Variants in GBF1 observed in about 807,000 individuals in gnomAD.
The protein encoded by GBF1 is golgi brefeldin A resistant guanine nucleotide exchange factor 1, also known as Golgi-specific brefeldin A-resistance guanine nucleotide exchange factor 1.
A neutral mutation model predicts 210.5 loss-of-function variants in GBF1; 114 were observed. That is an observed-to-expected ratio of 0.54 (90% confidence interval 0.47 to 0.63). The LOEUF is 0.63. GBF1 is among the 30% of genes least tolerant of loss of function. The pLI is 0.00. For missense variants in GBF1, 1,851 were observed against 2,357.7 expected, an observed-to-expected ratio of 0.79 and a Z score of 4.45; for synonymous variants, 850 against 889.2, an observed-to-expected ratio of 0.96 and a Z score of 0.78.
intron 3 of GBF1, among the ~76,000 whole-genome samples, chr10:102,325,378 C>T (rs532674660): frequency 2.1e-3 from 315 of 151,954 alleles, no homozygotes; most frequent in African/African-American, 7.0e-3. Flanking sequence ...GGTGAAACCC[C>T]GTCTCTACTA....
At chr10:102,369,796 C>G in intron 25 of GBF1, 21 bp downstream of exon 25, 2 of 1,614,114 alleles carry the variant, frequency 1.2e-6, no homozygotes, top group Non-Finnish European at 1.7e-6. Context: ...ACCAGAGGCT[C>G]AGGGGCTTGG....
At chr10:102,326,834 A>G (rs1255586066) in intron 3 of GBF1, among the ~76,000 whole-genome samples, 4 of 152,118 alleles carry the variant, frequency 2.6e-5, no homozygotes, top group Non-Finnish European at 4.4e-5. Context: ...CATGTTGCAT[A>G]TATCAGTAGT....
At chr10:102,245,078 G>A (rs111306001), upstream of GBF1, among the ~76,000 whole-genome samples, 156 of 152,314 alleles carry the variant, frequency 1.0e-3, no homozygotes, top group African/African-American at 3.7e-3. Context: ...GCCTCGAAAA[G>A]GAGTGATTCC....
chr10:102,350,341 C>T (rs1193071799), intron 4 of GBF1, among the ~76,000 whole-genome samples: 3 of 150,368 alleles, frequency 2.0e-5, no homozygotes, highest in African/African-American at 7.4e-5. Flanking sequence ...AAGAGCGAAA[C>T]TCCATCTCCA....
At position 102,365,532 on chromosome 10, in the gene GBF1, G is replaced by A; in HGVS notation, c.2242G>A (p.Asp748Asn). ...AQWLRENPRL[D>N]KKMIGEFVSD... ...GTGGCTCCGAGAGAACCCTCGGCTG[G>A]ACAAGAAGATGATTGGAGAGTTTGT... The change falls in exon 18 of 40, where the codon GAC (aspartate) becomes AAC (asparagine). Residue 748 changes from aspartate to asparagine, a missense_variant. Transcript: ENST00000369983. 2 of 1,614,204 alleles carry A rather than the reference G, an allele frequency of 1.2e-6. No individual in the cohort carries two copies. Among genetic ancestry groups the A allele is most frequent in the African/African-American group, 1.3e-5 (1 of 75,048 alleles).
At chr10:102,373,913 T>C (rs541200429) in intron 29 of GBF1, among the ~76,000 whole-genome samples, 1 of 152,288 alleles carries the variant, frequency 6.6e-6, no homozygotes, top group South Asian at 2.1e-4. Flanking sequence ...CTGTGGTACA[T>C]ACACACCATG....
intron 3 of GBF1, among the ~76,000 whole-genome samples, chr10:102,272,302 G>A (rs751696063): frequency 6.6e-5 from 10 of 151,960 alleles, no homozygotes; most frequent in African/African-American, 2.2e-4. Flanking sequence ...ACAGAGTTTC[G>A]CCATGTTGGC....
At chr10:102,335,746 A>G (rs1483831085) in intron 3 of GBF1, among the ~76,000 whole-genome samples, 2 of 152,180 alleles carry the variant, frequency 1.3e-5, no homozygotes, top group Non-Finnish European at 2.9e-5. Flanking sequence ...GAGTGAAGGT[A>G]TGTAAAGTGC....
At chr10:102,364,217 CTTTTTT>C (rs1031275118) in intron 17 of GBF1, among the ~76,000 whole-genome samples, 31 of 66,946 alleles carry the variant, frequency 4.6e-4, no homozygotes, top group Admixed American at 8.5e-4. Context: ...CTTTGGATTT[CTTTTTT>C]TTTTTTTTTT....
the GBF1 span, chr10:102,232,009 C>G: frequency 6.2e-7 from 1 of 1,609,852 alleles, no homozygotes; most frequent in Non-Finnish European, 8.5e-7. Context: ...GCTGGGGGTG[C>G]GGAGTGCCAG....
intron 29 of GBF1, among the ~76,000 whole-genome samples, chr10:102,373,753 A>G (rs997321669): frequency 4.6e-5 from 7 of 152,256 alleles, no homozygotes; most frequent in Non-Finnish European, 8.8e-5. Context: ...TAATTACCAT[A>G]CAACCCAGCA....
chr10:102,284,888 G>C (rs1273035844), intron 3 of GBF1, among the ~76,000 whole-genome samples: 1 of 152,112 alleles, frequency 6.6e-6, no homozygotes, highest in East Asian at 1.9e-4. Context: ...AAGAATGCAT[G>C]AGGGTTCCAG....
In GBF1 at chr10:102,358,481, A is replaced by G. The variant is rs771472459; in HGVS notation, c.788-25A>G. ...GCCCACAGCCTCTTTCTTCTCCTTC[A>G]AGCGTCACATACTTTTCTTGGCAGG... On this transcript the variant is annotated intron_variant, in intron 9 of 39. Coordinates refer to ENST00000369983, the MANE Select transcript of GBF1 (RefSeq NM_001377137.1). 11 of 1,533,764 alleles carry G rather than the reference A, an allele frequency of 7.2e-6. No individual in the cohort carries two copies. In the Admixed American group the frequency reaches 1.2e-4, roughly 16 times the overall value.
At chr10:102,264,542 GCT>G (rs779460739) in intron 3 of GBF1, among the ~76,000 whole-genome samples, 53 of 152,126 alleles carry the variant, frequency 3.5e-4, no homozygotes, top group Non-Finnish European at 5.3e-4. Context: ...TCCCTCTCTT[GCT>G]CTCTTTCCCC....
At chr10:102,312,798 A>G (rs2078589118) in intron 3 of GBF1, among the ~76,000 whole-genome samples, 1 of 152,164 alleles carries the variant, frequency 6.6e-6, no homozygotes, top group Admixed American at 6.6e-5. Context: ...GAAGAAACAG[A>G]TCTTCCAGTG....
At chr10:102,365,325 G>T in intron 17 of GBF1, 72 bp from the exon 18 acceptor site, 1 of 1,142,290 alleles carries the variant, frequency 8.8e-7, no homozygotes, top group East Asian at 2.4e-5. Flanking sequence ...GGTGGGCTAT[G>T]GTGGACTCCA....
At chr10:102,236,054 G>C in the GBF1 span, among the ~76,000 whole-genome samples, 261 of 152,296 alleles carry the variant, frequency 1.7e-3, no homozygotes, top group African/African-American at 6.0e-3. Flanking sequence ...GGAAAGAACA[G>C]TAAAGCCAGG....
At chr10:102,371,802 A>G (rs2060219574) in intron 29 of GBF1, among the ~76,000 whole-genome samples, 1 of 152,000 alleles carries the variant, frequency 6.6e-6, no homozygotes, top group Non-Finnish European at 1.5e-5. Flanking sequence ...GGTGGCACAC[A>G]CCTGTAATCC....
chr10:102,332,871 A>G (rs1434556072), intron 3 of GBF1, among the ~76,000 whole-genome samples: 1 of 152,190 alleles, frequency 6.6e-6, no homozygotes, highest in Non-Finnish European at 1.5e-5. Context: ...AGAAGCTAAG[A>G]ATGTGTTTGA....
Sources: gnomAD v4.1 joint callset for allele counts (sites outside exome capture counted in the v4.1 genomes callset) on GRCh38, gnomAD v4.1.1 for gene constraint, MANE v1.5 for transcripts, NCBI Gene and HGNC (gene_info 2026-07-23, HGNC 2026-07-21) for gene names.